PPARA: variants seen among roughly 807,000 people sequenced by gnomAD.
PPARA encodes peroxisome proliferator activated receptor alpha.
Under a neutral mutation model 42.2 loss-of-function variants are expected in PPARA, and 22 were observed. The observed-to-expected ratio is 0.52, with a 90% confidence interval of 0.37 to 0.74. The LOEUF (loss-of-function observed/expected upper bound fraction) is 0.74. PPARA is among the 30% of genes least tolerant of loss of function. The pLI, the probability that PPARA is intolerant of heterozygous loss-of-function variation, is 0.00. For missense variants in PPARA, 465 were observed against 608.2 expected, an observed-to-expected ratio of 0.76 and a Z score of 2.48; for synonymous variants, 242 against 239.3, an observed-to-expected ratio of 1.01 and a Z score of -0.10.
intron 2 of PPARA, among the ~76,000 whole-genome samples, chr22:46,154,758 G>A (rs572995375): frequency 1.3e-3 from 199 of 149,934 alleles, no homozygotes; most frequent in African/African-American, 4.5e-3. Context: ...TTGCAGCCTC[G>A]ACCTCCCTGG....
At position 46,227,972 on chromosome 22, in the gene PPARA, T is replaced by C. The variant is rs145628001; in HGVS notation, c.712-3820T>C. On this transcript the variant is annotated intron_variant, in intron 7 of 8. Coordinates refer to ENST00000407236, the MANE Select transcript of PPARA (RefSeq NM_005036.6). The surrounding 1 kb of genome is among the most constrained non-coding windows in gnomAD (Gnocchi z 4.3). ...GCTTTAATAAACATTGGTTTCTTCA[T>C]GGTACCACTCATTTTGAATTCAGTG... is the stretch of plus-strand genomic sequence containing the variant. 9.3e-4 allele frequency among the ~76,000 whole-genome samples: 142 copies of C among 152,360 alleles called. 1 individual carries two copies. The highest frequency in any genetic ancestry group is 3.3e-3 in the African/African-American group (136 of 41,588).
In PPARA at chr22:46,208,314, G is replaced by A. The variant is rs1027184535; in HGVS notation, c.209-6859G>A. ...CCCAATCCCAGCACTTTGGGAGGCCGAGGCGAGTGGATCACTTGAGGTCAG... is the reference window on the plus strand; with the variant it reads ...CCCAATCCCAGCACTTTGGGAGGCCAAGGCGAGTGGATCACTTGAGGTCAG... On this transcript the variant is annotated intron_variant, in intron 4 of 8. Transcript: ENST00000407236. Among the ~76,000 whole-genome samples the A allele has an allele frequency of 5.9e-5, 9 of 152,160 alleles. No individual in the cohort carries two copies. In the East Asian group the frequency reaches 1.2e-3, roughly 20 times the overall value.
rs1453027688 is a variant in PPARA, at chr22:46,222,372, A to AG, written c.711+2359dup. On this transcript the variant is annotated intron_variant, in intron 7 of 8. Coordinates refer to ENST00000407236, the MANE Select transcript of PPARA (RefSeq NM_005036.6). The surrounding 1 kb of genome is among the most constrained non-coding windows in gnomAD (Gnocchi z 5.9). Reference sequence around the variant, plus strand: ...GAAACAGGTTTAATTTGTATTAAATAGCTTGAAGCAATCCTTATTGGGAAT... The same window carrying AG: ...GAAACAGGTTTAATTTGTATTAAATAGGCTTGAAGCAATCCTTATTGGGAAT... Among the ~76,000 whole-genome samples the AG allele has an allele frequency of 1.3e-5, 2 of 152,280 alleles. No homozygotes were observed. Among genetic ancestry groups the AG allele is most frequent in the African/African-American group, 2.4e-5 (1 of 41,484 alleles).
At chr22:46,197,346 G>A (rs146129796) in intron 3 of PPARA, among the ~76,000 whole-genome samples, 45 of 152,064 alleles carry the variant, frequency 3.0e-4, no homozygotes, top group African/African-American at 9.7e-4. Flanking sequence ...CACTGTGCCC[G>A]GCCCAGGGAT....
chr22:46,231,935 G>A lies in PPARA; in HGVS notation c.855G>A (p.Thr285=), dbSNP rs544843326. Residue 285 remains threonine, a synonymous_variant, in exon 8 of 9, where the codon ACG becomes ACA. Coordinates refer to ENST00000407236, the MANE Select transcript of PPARA (RefSeq NM_005036.6). The surrounding 1 kb of genome is among the most constrained non-coding windows in gnomAD (Gnocchi z 7.7). ...AGTGCACGTCAGTGGAGACCGTCAC[G>A]GAGCTCACGGAATTCGCCAAGGCCA... ...CCQCTSVETV[T]ELTEFAKAIP... 1.5e-5 allele frequency: 24 copies of A among 1,614,232 alleles called. No homozygotes were observed. The African/African-American group carries it at 2.4e-4, about 16-fold the overall frequency.
rs1932966019 is a variant in PPARA at position 46,203,618 on chromosome 22, T to C, written c.208+5027T>C. Among the ~76,000 whole-genome samples, 1 of 152,134 alleles carries C rather than the reference T, an allele frequency of 6.6e-6. No homozygotes were observed. The highest frequency in any genetic ancestry group is 2.1e-4 in the South Asian group (1 of 4,826). ...ACACGTTGAAGGGTGAGGAGAGCAG[T>C]ATTGGGCGAAAAGGAAAAAAGAAAA... is the stretch of plus-strand genomic sequence containing the variant. On this transcript the variant is annotated intron_variant, in intron 4 of 8. Coordinates refer to ENST00000407236, the MANE Select transcript of PPARA (RefSeq NM_005036.6). This position sits in a 1 kb window ranked among gnomAD's most constrained non-coding sequence, Gnocchi z 5.8.
chr22:46,162,266 C>T lies in PPARA; in HGVS notation c.-127+10296C>T, dbSNP rs143982045. The stretch of plus-strand genomic sequence containing the variant: ...CTTCCTTGCTTATCATTGCCTCTCC[C>T]ATCTTAATGTTGTCCCATCCATCCA... On this transcript the variant is annotated intron_variant, in intron 2 of 8. Transcript: ENST00000407236. This position sits in a 1 kb window ranked among gnomAD's most constrained non-coding sequence, Gnocchi z 6.0. 1.6e-3 allele frequency among the ~76,000 whole-genome samples: 236 copies of T among 152,240 alleles called. 1 individual carries two copies. In the Middle Eastern group the frequency reaches 0.024, roughly 15 times the overall value.
intron 2 of PPARA, among the ~76,000 whole-genome samples, chr22:46,154,585 C>A (rs1924967503): frequency 6.6e-6 from 1 of 151,898 alleles, no homozygotes; most frequent in African/African-American, 2.4e-5. Flanking sequence ...CCACTACACT[C>A]CAGCCTGGGT....
chr22:46,225,397 AGG>A lies in PPARA; in HGVS notation c.711+5386_711+5387del, dbSNP rs1292382684. Among the ~76,000 whole-genome samples, 6 of 150,612 alleles carry A rather than the reference AGG, an allele frequency of 4.0e-5. No individual in the cohort carries two copies. The highest frequency in any genetic ancestry group is 4.5e-5 in the Non-Finnish European group (3 of 66,762). On this transcript the variant is annotated intron_variant, in intron 7 of 8. Coordinates refer to ENST00000407236, the MANE Select transcript of PPARA (RefSeq NM_005036.6). This position sits in a 1 kb window ranked among gnomAD's most constrained non-coding sequence, Gnocchi z 4.1. ...TAAAAACATAAGATGTTGACCTGTC[AGG>A]GGTTGAGAATGTCGTCAGAAGACTT...
At position 46,219,950 on chromosome 22, in the gene PPARA, A is replaced by G. The variant is rs768520407; in HGVS notation, c.647A>G (p.Lys216Arg). ...LAKRIYEAYL[K>R]NFNMNKVKAR... ...AAGAGAATCTACGAGGCCTACTTGA[A>G]GAACTTCAACATGAACAAGGTCAAA... Residue 216 changes from lysine (K) to arginine (R), a missense_variant, in exon 7 of 9, where the codon AAG becomes AGG. This residue lies in a region of PPARA where 313 missense variants were observed against 469.1 expected (regional missense o/e 0.67). Transcript: ENST00000407236. This position sits in a 1 kb window ranked among gnomAD's most constrained non-coding sequence, Gnocchi z 4.8. 3.1e-6 allele frequency: 5 copies of G among 1,614,264 alleles called. No individual in the cohort carries two copies. The highest frequency in any genetic ancestry group is 3.4e-6 in the Non-Finnish European group (4 of 1,180,042).
intron 2 of PPARA, among the ~76,000 whole-genome samples, chr22:46,170,125 AG>A (rs1433202850): frequency 2.1e-5 from 3 of 145,300 alleles, no homozygotes; most frequent in African/African-American, 7.5e-5. Flanking sequence ...TTTTTTTTTT[AG>A]AAAAACATTT....
chr22:46,239,948 C>T lies in PPARA; in HGVS notation c.*4568C>T. On this transcript the variant is annotated 3_prime_UTR_variant, in exon 9 of 9. Coordinates refer to ENST00000407236, the MANE Select transcript of PPARA (RefSeq NM_005036.6). ...GGGTTTTTTGGTCCTGATCCAGTGG[C>T]CACACCTGTCTTTGAAATGTCTCAC... 1.0e-5 allele frequency: 4 copies of T among 385,922 alleles called. No homozygotes were observed. The highest frequency in any genetic ancestry group is 1.4e-5 in the Non-Finnish European group (3 of 218,732). The allele number at this position is 385,922 out of a possible 1,614,324, so 23.9% of individuals were successfully genotyped here.
At chr22:46,177,035 C>G (rs1003798210) in intron 3 of PPARA, among the ~76,000 whole-genome samples, 199 bp downstream of exon 3, 2 of 152,086 alleles carry the variant, frequency 1.3e-5, no homozygotes, top group Admixed American at 6.6e-5. Context: ...ACAGTGAAAC[C>G]CTGTCTCTAC....
Position 46,230,804 on chromosome 22 carries a change from T to C in PPARA, c.712-988T>C, listed in dbSNP as rs887843924. Among the ~76,000 whole-genome samples, 1 of 152,228 alleles carries C rather than the reference T, an allele frequency of 6.6e-6. No homozygotes were observed. The highest frequency in any genetic ancestry group is 2.4e-5 in the African/African-American group (1 of 41,462). On this transcript the variant is annotated intron_variant, in intron 7 of 8. Transcript: ENST00000407236. This position sits in a 1 kb window ranked among gnomAD's most constrained non-coding sequence, Gnocchi z 5.0. The stretch of plus-strand genomic sequence containing the variant: ...CCCTAAAGAGTTTCACAACGCTTGT[T>C]TGCCGATTTCTACATAGATGCCACC...
rs1927285668 is a variant in PPARA at position 46,167,710 on chromosome 22, A to G, written c.-126-9043A>G. Among the ~76,000 whole-genome samples the G allele has an allele frequency of 6.6e-6, 1 of 152,134 alleles. No homozygotes were observed. Among genetic ancestry groups the G allele is most frequent in the Non-Finnish European group, 1.5e-5 (1 of 68,028 alleles). Reference sequence around the variant, plus strand: ...GAAAACATATGAGAAAATTCTAGTGATTTGGGGTTTGGCAAAGATTCCTTG... The same window carrying G: ...GAAAACATATGAGAAAATTCTAGTGGTTTGGGGTTTGGCAAAGATTCCTTG... On this transcript the variant is annotated intron_variant, in intron 2 of 8. Transcript: ENST00000407236. The surrounding 1 kb of genome is among the most constrained non-coding windows in gnomAD (Gnocchi z 4.1).
chr22:46,213,501 G>T lies in PPARA; in HGVS notation c.209-1672G>T, dbSNP rs557427000. ...CAGCTCACTACAACCTTTGCCTCCC[G>T]GGTCCAAGCGATTCCCCTGCCTCAG... On this transcript the variant is annotated intron_variant, in intron 4 of 8. Coordinates refer to ENST00000407236, the MANE Select transcript of PPARA (RefSeq NM_005036.6). Among the ~76,000 whole-genome samples the T allele has an allele frequency of 4.6e-5, 7 of 150,914 alleles. No individual in the cohort carries two copies. The Admixed American group carries it at 4.6e-4, about 10-fold the overall frequency.
At chr22:46,166,239 G>T (rs1330070360) in intron 2 of PPARA, among the ~76,000 whole-genome samples, 1 of 152,170 alleles carries the variant, frequency 6.6e-6, no homozygotes, top group African/African-American at 2.4e-5. Flanking sequence ...GCATCTGTCG[G>T]TCAGTTTCAT....
Position 46,239,941 on chromosome 22 carries a change from C to G in PPARA, c.*4561C>G, listed in dbSNP as rs1366655615. 20 of 382,572 alleles carry G rather than the reference C, an allele frequency of 5.2e-5. No individual in the cohort carries two copies. Among genetic ancestry groups the G allele is most frequent in the Non-Finnish European group, 4.6e-6 (1 of 216,746 alleles). 23.7% of individuals were successfully genotyped at this position (382,572 alleles called of 1,614,324 possible). On this transcript the variant is annotated 3_prime_UTR_variant, in exon 9 of 9. Coordinates refer to ENST00000407236, the MANE Select transcript of PPARA (RefSeq NM_005036.6). ...TGATGGAGGGTTTTTTGGTCCTGAT[C>G]CAGTGGCCACACCTGTCTTTGAAAT...
Position 46,235,359 on chromosome 22 carries a change from G to A in PPARA, c.1386G>A (p.Glu462=). ...CTGCGCTGCACCCGCTACTGCAGGA[G>A]ATCTACAGGGACATGTACTGAGTTC... ...SDAALHPLLQ[E]IYRDMY Residue 462 remains glutamate (E), a synonymous_variant, in exon 9 of 9, where the codon GAG becomes GAA. Transcript: ENST00000407236. The surrounding 1 kb of genome is among the most constrained non-coding windows in gnomAD (Gnocchi z 7.0). 1 of 1,613,906 alleles carries A rather than the reference G, an allele frequency of 6.2e-7. No homozygotes were observed. Among genetic ancestry groups the A allele is most frequent in the Non-Finnish European group, 8.5e-7 (1 of 1,179,932 alleles).
Sources: gnomAD v4.1 joint callset for allele counts (sites outside exome capture counted in the v4.1 genomes callset) on GRCh38, gnomAD v4.1.1 for gene constraint, gnomAD v4.1.1 regional missense constraint, Gnocchi (gnomAD v3.1) non-coding constraint, MANE v1.5 for transcripts, NCBI Gene and HGNC (gene_info 2026-07-23, HGNC 2026-07-21) for gene names.